NIPBL: variants seen among roughly 807,000 people sequenced by gnomAD.
NIPBL encodes the protein NIPBL cohesin loading factor, also known as nipped-B-like protein.
NIPBL carries 19 observed loss-of-function variants against 321.8 expected under a neutral mutation model. The ratio of observed to expected loss-of-function variants is 0.06; its 90% confidence interval spans 0.04 to 0.09. NIPBL has a LOEUF of 0.09. Among genes scored for constraint, NIPBL ranks in the 10% least tolerant of loss-of-function variants. The pLI, the probability that NIPBL is intolerant of heterozygous loss-of-function variation, is 1.00. For synonymous variants in NIPBL, 1,106 were observed against 1,114.1 expected, an observed-to-expected ratio of 0.99 and a Z score of 0.14; for missense variants, 2,210 against 3,327.0, an observed-to-expected ratio of 0.66 and a Z score of 8.26.
chr5:36,881,204 T>C (rs2149514752), intron 1 of NIPBL, among the ~76,000 whole-genome samples: 1 of 152,120 alleles, frequency 6.6e-6, no homozygotes, highest in Admixed American at 6.5e-5. Flanking sequence ...AAGGCCATCA[T>C]TGTAATTTTA....
chr5:36,975,496 C>G (rs1240025497), intron 8 of NIPBL, among the ~76,000 whole-genome samples: 2 of 151,982 alleles, frequency 1.3e-5, no homozygotes, highest in Non-Finnish European at 2.9e-5. Context: ...AATATGTATA[C>G]TTTATAGGCA....
chr5:36,909,192 C>T (rs1305828914), intron 1 of NIPBL, among the ~76,000 whole-genome samples: 1 of 152,122 alleles, frequency 6.6e-6, no homozygotes, highest in African/African-American at 2.4e-5. Flanking sequence ...TAGAAACACC[C>T]TCACAGTTTT....
At chr5:37,036,035 T>TA (rs1401604722) in intron 32 of NIPBL, among the ~76,000 whole-genome samples, 1 of 152,104 alleles carries the variant, frequency 6.6e-6, no homozygotes, top group Non-Finnish European at 1.5e-5. Context: ...TATTATGTGA[T>TA]ACTGTGTTTT....
At chr5:37,002,863 A>G (rs1746978942) in intron 15 of NIPBL, 98 bp downstream of exon 15, 1 of 762,872 alleles carries the variant, frequency 1.3e-6, no homozygotes, top group South Asian at 1.7e-5. Flanking sequence ...TGTAAAGTAA[A>G]TAGTAAAAAG....
At chr5:37,016,245 G>A in intron 23 of NIPBL, 75 bp downstream of exon 23, 6 of 1,426,264 alleles carry the variant, frequency 4.2e-6, no homozygotes, top group Non-Finnish European at 5.9e-6. Flanking sequence ...ATTCACAGAT[G>A]ATGAATTCTT....
chr5:37,030,004 C>T (rs1750776510), intron 32 of NIPBL, among the ~76,000 whole-genome samples: 1 of 152,096 alleles, frequency 6.6e-6, no homozygotes, highest in Non-Finnish European at 1.5e-5. Context: ...GGCTCTAAAT[C>T]ATATATTTCA....
At chr5:37,052,624 A>C in intron 42 of NIPBL, 58 bp downstream of exon 42, 1 of 1,327,360 alleles carries the variant, frequency 7.5e-7, no homozygotes. Context: ...TTTATGGATA[A>C]AGTAGTCATT....
chr5:36,969,055 T>C (rs1009829984), intron 6 of NIPBL, among the ~76,000 whole-genome samples: 2 of 152,202 alleles, frequency 1.3e-5, no homozygotes, highest in Admixed American at 6.5e-5. Flanking sequence ...TTTGATAGCA[T>C]TAACAGTTTA....
At position 36,985,263 on chromosome 5, in the gene NIPBL, A is replaced by G; in HGVS notation, c.2083A>G (p.Thr695Ala). The part of the protein sequence containing the change: ...DNKQNNGRSE[T>A]TKSRPETPKQ... ...CAAACAAAATAATGGCAGATCAGAAACAACAAAATCAAGGCCTGAAACCCC... is the reference window on the plus strand; with the variant it reads ...CAAACAAAATAATGGCAGATCAGAAGCAACAAAATCAAGGCCTGAAACCCC... The change falls in exon 10 of 47, where the codon ACA (threonine) becomes GCA (alanine). Residue 695 changes from threonine to alanine, a missense_variant. Thr to Ala is a moderately conservative substitution (Grantham distance 58). This residue lies in a region of NIPBL where 588 missense variants were observed against 564.1 expected (regional missense o/e 1.04). Coordinates refer to ENST00000282516, the MANE Select transcript of NIPBL (RefSeq NM_133433.4). The G allele has an allele frequency of 6.2e-7, 1 of 1,613,822 alleles. No individual in the cohort carries two copies. The highest frequency in any genetic ancestry group is 1.1e-5 in the South Asian group (1 of 91,080).
chr5:37,038,843 G>A, intron 34 of NIPBL, 105 bp downstream of exon 34: 1 of 1,137,620 alleles, frequency 8.8e-7, no homozygotes, highest in Non-Finnish European at 1.3e-6. Flanking sequence ...GATCAACTGT[G>A]TCATTTACTT....
intron 6 of NIPBL, among the ~76,000 whole-genome samples, chr5:36,964,906 G>A (rs1206670718): frequency 6.6e-6 from 1 of 152,070 alleles, no homozygotes; most frequent in Non-Finnish European, 1.5e-5. Flanking sequence ...GACATCAATG[G>A]CCAGCAGATA....
In NIPBL at chr5:37,010,244, G is replaced by C; in HGVS notation, c.4560+19G>C. 1 of 1,552,370 alleles carries C rather than the reference G, an allele frequency of 6.4e-7. No homozygotes were observed. Among genetic ancestry groups the C allele is most frequent in the Admixed American group, 1.7e-5 (1 of 59,872 alleles). ...TAAAAAAGTAAGGAATCTATTAAAG[G>C]TTTTACAACTGTACTTTTATTGAAG... is the stretch of plus-strand genomic sequence containing the variant. On this transcript the variant is annotated intron_variant, in intron 21 of 46. Transcript: ENST00000282516.
At chr5:36,962,527 T>C (rs1303584007) in intron 6 of NIPBL, among the ~76,000 whole-genome samples, 2 of 152,198 alleles carry the variant, frequency 1.3e-5, no homozygotes, top group African/African-American at 2.4e-5. Context: ...TAACTAAGTA[T>C]ATTTAGGTGT....
intron 1 of NIPBL, among the ~76,000 whole-genome samples, chr5:36,950,322 C>G (rs954253132): frequency 6.6e-6 from 1 of 152,008 alleles, no homozygotes; most frequent in Non-Finnish European, 1.5e-5. Context: ...TTTAGTAATG[C>G]TGTTAACTTT....
chr5:36,946,283 G>T (rs1739663892), intron 1 of NIPBL, among the ~76,000 whole-genome samples: 1 of 151,820 alleles, frequency 6.6e-6, no homozygotes, highest in South Asian at 2.1e-4. Flanking sequence ...GGCCCACCAA[G>T]ACTCCAGCAG....
At chr5:36,898,982 A>AT (rs1747000452) in intron 1 of NIPBL, among the ~76,000 whole-genome samples, 2 of 152,216 alleles carry the variant, frequency 1.3e-5, no homozygotes, top group South Asian at 4.1e-4. Flanking sequence ...TTAAAGTAGA[A>AT]TTTTAAAATT....
chr5:36,915,915 A>G (rs554524517), intron 1 of NIPBL, among the ~76,000 whole-genome samples: 40 of 152,312 alleles, frequency 2.6e-4, no homozygotes, highest in African/African-American at 9.6e-4. Flanking sequence ...AAGTCAGTGA[A>G]ATTATATTTT....
At chr5:36,922,707 T>C (rs1043326874) in intron 1 of NIPBL, among the ~76,000 whole-genome samples, 9 of 152,228 alleles carry the variant, frequency 5.9e-5, no homozygotes, top group Admixed American at 2.6e-4. Context: ...CATGTACTTA[T>C]ATTACTTATA....
chr5:37,046,281 A>C (rs182365636), intron 38 of NIPBL, 82 bp downstream of exon 38: 1 of 818,890 alleles, frequency 1.2e-6, no homozygotes, highest in Non-Finnish European at 2.1e-6. Flanking sequence ...TAAATTGTTG[A>C]TTTACTTTAA....
Sources: gnomAD v4.1 joint callset for allele counts (sites outside exome capture counted in the v4.1 genomes callset) on GRCh38, gnomAD v4.1.1 for gene constraint, gnomAD v4.1.1 regional missense constraint, MANE v1.5 for transcripts, NCBI Gene and HGNC (gene_info 2026-07-23, HGNC 2026-07-21) for gene names.